Variants in FGF13 observed in about 807,000 individuals in gnomAD.
FGF13 encodes the protein fibroblast growth factor 13.
A neutral mutation model predicts 19.5 loss-of-function variants in FGF13; 2 were observed. That is an observed-to-expected ratio of 0.10 (90% CI 0.04 to 0.32). The LOEUF (loss-of-function observed/expected upper bound fraction) is 0.32, where lower values mean the gene tolerates loss of function less well. FGF13 is among the 10% of genes least tolerant of loss of function. The probability of loss-of-function intolerance (pLI) is 1.00; values close to 1 mark genes in which losing one functional copy is unlikely to be tolerated. For synonymous variants in FGF13, 72 were observed against 76.9 expected (o/e 0.94, Z 0.33); for missense variants, 113 against 192.7 (o/e 0.59, Z 2.45).
downstream of FGF13, among the ~76,000 whole-genome samples, chrX:138,857,330 A>G (rs1480329155): frequency 3.6e-5 from 4 of 111,636 alleles, no homozygotes; most frequent in Admixed American, 1.9e-4. Flanking sequence ...AGAGATGACC[A>G]TATTATACAG....
chrX:138,856,665 G>C (rs2071718), downstream of FGF13, among the ~76,000 whole-genome samples: 386 of 112,147 alleles, frequency 3.4e-3, 11 homozygotes, highest in East Asian at 0.092. Context: ...AAAATGGGCT[G>C]TTTAACAAGT....
At chrX:138,667,258 T>A (rs182912253) in intron 3 of FGF13, among the ~76,000 whole-genome samples, 228 of 107,013 alleles carry the variant, frequency 2.1e-3, no homozygotes, top group African/African-American at 6.4e-3. Context: ...ATATTTGGAA[T>A]ATATGTATAT....
intron 1 of FGF13, among the ~76,000 whole-genome samples, chrX:139,049,242 G>C (rs2092297177): frequency 9.0e-6 from 1 of 110,729 alleles, no homozygotes; most frequent in African/African-American, 3.3e-5. Flanking sequence ...GAGGTAGACA[G>C]GGAATGGTTA....
At chrX:138,879,993 A>C (rs895086681) in intron 1 of FGF13, among the ~76,000 whole-genome samples, 1 of 112,278 alleles carries the variant, frequency 8.9e-6, no homozygotes, top group African/African-American at 3.2e-5. Context: ...AGAAAAAAAC[A>C]AACAACCCCA....
Position 138,863,552 on chromosome X carries a change from T to G in FGF13, c.-39+1025A>C, listed in dbSNP as rs751328862. On this transcript the variant is annotated intron_variant, in intron 2 of 2. Coordinates refer to the FGF13 transcript ENST00000421460. The stretch of plus-strand genomic sequence containing the variant: ...CCAGGACAAGAACCATGTCTCAGTC[T>G]CTTTTGCAATCATTTTTGCTTTCTT... 4.4e-5 allele frequency among the ~76,000 whole-genome samples: 5 copies of G among 112,440 alleles called. No homozygotes were observed. In the South Asian group the frequency reaches 1.9e-3, roughly 42 times the overall value.
At chrX:138,895,098 C>T (rs1056418385) in intron 1 of FGF13, among the ~76,000 whole-genome samples, 1 of 111,942 alleles carries the variant, frequency 8.9e-6, no homozygotes, top group Non-Finnish European at 1.9e-5. Flanking sequence ...TGTAAATATA[C>T]CTGATACTTT....
At chrX:138,807,299 A>C (rs2090876887) in intron 3 of FGF13, among the ~76,000 whole-genome samples, 1 of 112,013 alleles carries the variant, frequency 8.9e-6, no homozygotes, top group Non-Finnish European at 1.9e-5. Context: ...CTCAAGACAA[A>C]ACAATTAAAA....
intron 1 of FGF13, among the ~76,000 whole-genome samples, chrX:139,011,692 C>T (rs1181421019): frequency 3.6e-5 from 4 of 111,514 alleles, no homozygotes; most frequent in Non-Finnish European, 7.6e-5. Flanking sequence ...CATACCTTAA[C>T]AAATAAAAGC....
chrX:138,951,398 C>T (rs537110266), intron 1 of FGF13, among the ~76,000 whole-genome samples: 45 of 111,655 alleles, frequency 4.0e-4, no homozygotes, highest in South Asian at 2.9e-3. Flanking sequence ...AACAATAAAA[C>T]ATTGATAAAT....
chrX:138,830,229 AT>A (rs1048346448), intron 3 of FGF13, among the ~76,000 whole-genome samples: 10 of 112,056 alleles, frequency 8.9e-5, no homozygotes, highest in Admixed American at 1.9e-4. Flanking sequence ...TGTGAATAGA[AT>A]GTTAAGGGGG....
chrX:138,819,720 T>A (rs2090985800), intron 3 of FGF13, among the ~76,000 whole-genome samples: 1 of 112,091 alleles, frequency 8.9e-6, no homozygotes, highest in African/African-American at 3.2e-5. Context: ...GGAGGCTGAC[T>A]CTAAGTAATG....
chrX:138,924,397 C>T (rs1191577116), intron 1 of FGF13, among the ~76,000 whole-genome samples: 1 of 111,947 alleles, frequency 8.9e-6, no homozygotes, highest in African/African-American at 3.2e-5. Context: ...AGGAAAGATA[C>T]AGTTCCTGCT....
At chrX:138,919,444 TATC>T (rs2091633910) in intron 1 of FGF13, among the ~76,000 whole-genome samples, 1 of 111,705 alleles carries the variant, frequency 9.0e-6, no homozygotes, top group Non-Finnish European at 1.9e-5. Context: ...AATATGAACT[TATC>T]ATACGACTCA....
intron 1 of FGF13, among the ~76,000 whole-genome samples, chrX:139,152,258 A>G (rs2083939151): frequency 9.4e-6 from 1 of 106,287 alleles, no homozygotes; most frequent in Non-Finnish European, 1.9e-5. Context: ...TTCAGAGCGA[A>G]CTGTCATAAA....
At chrX:139,000,448 G>C (rs1417505717) in intron 1 of FGF13, among the ~76,000 whole-genome samples, 1 of 111,930 alleles carries the variant, frequency 8.9e-6, no homozygotes, top group Admixed American at 9.5e-5. Context: ...CATCATTTCA[G>C]CCCCAAATAT....
At chrX:138,849,486 AC>A (rs2091208147) in intron 3 of FGF13, among the ~76,000 whole-genome samples, 1 of 112,144 alleles carries the variant, frequency 8.9e-6, no homozygotes, top group Admixed American at 9.5e-5. Context: ...GTCATTTAAA[AC>A]AAAAGACAGG....
intron 1 of FGF13, among the ~76,000 whole-genome samples, chrX:139,067,434 G>C (rs760280936): frequency 1.8e-5 from 2 of 111,819 alleles, no homozygotes; most frequent in Non-Finnish European, 3.8e-5. Context: ...ATTCAGCAAA[G>C]TGTCAGGATA....
At chrX:138,973,904 T>C (rs2091929624) in intron 1 of FGF13, among the ~76,000 whole-genome samples, 1 of 111,859 alleles carries the variant, frequency 8.9e-6, no homozygotes, top group Non-Finnish European at 1.9e-5. Flanking sequence ...CTTGAGTCTC[T>C]TGTAGGCAGT....
intron 3 of FGF13, among the ~76,000 whole-genome samples, chrX:138,641,957 A>C (rs765465578): frequency 1.9e-4 from 21 of 111,919 alleles, no homozygotes; most frequent in Non-Finnish European, 3.6e-4. Context: ...GAAACAAATA[A>C]ATTAAAAATA....
Sources: allele counts gnomAD v4.1 joint callset (sites outside exome capture counted in the v4.1 genomes callset), GRCh38; gene constraint gnomAD v4.1.1; transcripts MANE v1.5; gene names NCBI Gene and HGNC (gene_info 2026-07-23, HGNC 2026-07-21).